Variants in CNTNAP5 observed in about 807,000 individuals in gnomAD.
CNTNAP5 encodes the protein contactin associated protein family member 5, also known as contactin-associated protein-like 5.
A neutral mutation model predicts 150.2 loss-of-function variants in CNTNAP5; 72 were observed. That is an observed-to-expected ratio of 0.48 (90% CI 0.40 to 0.58). The LOEUF (loss-of-function observed/expected upper bound fraction) is 0.58, where lower values mean the gene tolerates loss of function less well. Among genes scored for constraint, CNTNAP5 ranks in the 20% least tolerant of loss-of-function variants. The probability of loss-of-function intolerance (pLI) is 0.00; values close to 1 mark genes in which losing one functional copy is unlikely to be tolerated. For missense variants in CNTNAP5, 1,636 were observed against 1,626.2 expected, an observed-to-expected ratio of 1.01 and a Z score of -0.10; for synonymous variants, 672 against 619.8, an observed-to-expected ratio of 1.08 and a Z score of -1.25.
At chr2:124,415,597 C>T (rs150242574) in intron 3 of CNTNAP5, among the ~76,000 whole-genome samples, 2 of 152,294 alleles carry the variant, frequency 1.3e-5, no homozygotes, top group African/African-American at 4.8e-5. Flanking sequence ...CATTGGTTGA[C>T]ATTGATTGCA....
chr2:124,848,721 T>G (rs908385108), intron 19 of CNTNAP5, among the ~76,000 whole-genome samples: 3 of 152,224 alleles, frequency 2.0e-5, no homozygotes, highest in Non-Finnish European at 2.9e-5. Context: ...TATCTTATTG[T>G]GGTCTTGATC....
At chr2:124,232,219 A>T (rs1056040041) in intron 2 of CNTNAP5, among the ~76,000 whole-genome samples, 1 of 152,192 alleles carries the variant, frequency 6.6e-6, no homozygotes, top group Non-Finnish European at 1.5e-5. Flanking sequence ...TATTAGTGAC[A>T]TATTTGTCTA....
At chr2:124,767,181 T>C (rs377366807) in intron 16 of CNTNAP5, among the ~76,000 whole-genome samples, 13 of 152,256 alleles carry the variant, frequency 8.5e-5, no homozygotes, top group African/African-American at 3.1e-4. Flanking sequence ...CAGAATAGAT[T>C]TCCCTCTCAT....
chr2:124,535,732 G>T (rs189070235), intron 10 of CNTNAP5, among the ~76,000 whole-genome samples: 3 of 151,946 alleles, frequency 2.0e-5, no homozygotes, highest in African/African-American at 7.3e-5. Flanking sequence ...AGCCGAGATC[G>T]CGCCACTGCA....
chr2:124,480,926 G>T (rs1453219771), intron 7 of CNTNAP5, among the ~76,000 whole-genome samples: 1 of 152,060 alleles, frequency 6.6e-6, no homozygotes, highest in Admixed American at 6.6e-5. Flanking sequence ...TAGTTTCAAG[G>T]TCATATGAAG....
At chr2:124,206,121 G>C (rs527991111) in intron 1 of CNTNAP5, among the ~76,000 whole-genome samples, 10 of 152,272 alleles carry the variant, frequency 6.6e-5, no homozygotes. Context: ...AAGTGTTCTG[G>C]GCCCATTCTG....
At chr2:124,078,283 T>A (rs563504452) in intron 1 of CNTNAP5, among the ~76,000 whole-genome samples, 1 of 152,342 alleles carries the variant, frequency 6.6e-6, no homozygotes, top group African/African-American at 2.4e-5. Context: ...GTTCTGAACA[T>A]CTTTCTACAT....
intron 1 of CNTNAP5, among the ~76,000 whole-genome samples, chr2:124,117,810 T>A (rs1683463764): frequency 6.6e-6 from 1 of 152,176 alleles, no homozygotes; most frequent in Non-Finnish European, 1.5e-5. Flanking sequence ...ATGTAACATC[T>A]CTGTGCCTCA....
At chr2:124,121,867 AG>A (rs1321448709) in intron 1 of CNTNAP5, among the ~76,000 whole-genome samples, 1 of 152,144 alleles carries the variant, frequency 6.6e-6, no homozygotes, top group Non-Finnish European at 1.5e-5. Flanking sequence ...TAATTAAATG[AG>A]GTTAAATAAA....
intron 13 of CNTNAP5, among the ~76,000 whole-genome samples, chr2:124,670,217 CT>C (rs1678792177): frequency 3.0e-5 from 1 of 33,600 alleles, no homozygotes; most frequent in African/African-American, 2.0e-4. Flanking sequence ...TTCTTTCCCT[CT>C]TTCTTTCTTT....
intron 20 of CNTNAP5, among the ~76,000 whole-genome samples, chr2:124,867,413 A>C (rs977656611): frequency 5.9e-5 from 9 of 152,182 alleles, no homozygotes; most frequent in Admixed American, 3.9e-4. Flanking sequence ...TCTGCACTGC[A>C]GCAAAATTGT....
chr2:124,663,605 AAG>A, intron 13 of CNTNAP5, among the ~76,000 whole-genome samples: 1 of 152,224 alleles, frequency 6.6e-6, no homozygotes, highest in South Asian at 2.1e-4. Flanking sequence ...GCTAGGGAGA[AAG>A]AGAGAGAGGA....
intron 3 of CNTNAP5, among the ~76,000 whole-genome samples, chr2:124,387,203 G>C (rs1430787482): frequency 6.6e-6 from 1 of 152,222 alleles, no homozygotes; most frequent in African/African-American, 2.4e-5. Flanking sequence ...GCCTGATAAA[G>C]ATGAGTACAG....
intron 8 of CNTNAP5, among the ~76,000 whole-genome samples, chr2:124,509,246 A>G (rs75972744): frequency 0.027 from 4,135 of 152,334 alleles, 64 homozygotes; most frequent in Non-Finnish European, 0.042. Flanking sequence ...AGAGACTTGC[A>G]AAGTAAATGC....
chr2:124,463,379 A>G (rs1693298779), intron 6 of CNTNAP5, among the ~76,000 whole-genome samples: 1 of 152,210 alleles, frequency 6.6e-6, no homozygotes, highest in South Asian at 2.1e-4. Flanking sequence ...TAGGCCTGGC[A>G]TTGATCAGGT....
intron 7 of CNTNAP5, among the ~76,000 whole-genome samples, chr2:124,503,764 G>A (rs1426065644): frequency 6.6e-6 from 1 of 152,116 alleles, no homozygotes. Flanking sequence ...ATTTCATAGG[G>A]ATGCTGTTTT....
intron 13 of CNTNAP5, among the ~76,000 whole-genome samples, chr2:124,670,740 TA>T (rs1474293861): frequency 6.6e-6 from 1 of 151,966 alleles, no homozygotes; most frequent in Non-Finnish European, 1.5e-5. Context: ...TTTTCCAATT[TA>T]CCACATGCCT....
intron 3 of CNTNAP5, among the ~76,000 whole-genome samples, chr2:124,311,196 G>GT (rs903397666): frequency 6.6e-6 from 1 of 151,790 alleles, no homozygotes. Context: ...TTCCCTGCCT[G>GT]TATTAATCCA....
At chr2:124,821,675 C>T (rs958977203) in intron 19 of CNTNAP5, among the ~76,000 whole-genome samples, 1 of 152,100 alleles carries the variant, frequency 6.6e-6, no homozygotes, top group African/African-American at 2.4e-5. Flanking sequence ...TTAACAGCTC[C>T]ACTCGATCTT....
Sources: allele counts gnomAD v4.1 joint callset (sites outside exome capture counted in the v4.1 genomes callset), GRCh38; gene constraint gnomAD v4.1.1; transcripts MANE v1.5; gene names NCBI Gene and HGNC (gene_info 2026-07-23, HGNC 2026-07-21).